MCF2L2: variants seen among roughly 807,000 people sequenced by gnomAD.
MCF2L2 encodes the protein MCF.2 cell line derived transforming sequence-like 2.
In MCF2L2, 102 loss-of-function variants were observed where a neutral mutation model predicts 150.2. The ratio of observed to expected loss-of-function variants is 0.68; its 90% CI spans 0.58 to 0.80. The LOEUF (loss-of-function observed/expected upper bound fraction) is 0.80, where lower values mean the gene tolerates loss of function less well. Among genes scored for constraint, MCF2L2 ranks in the 30% least tolerant of loss-of-function variants. MCF2L2 has a pLI of 0.00. For missense variants in MCF2L2, 1,256 were observed against 1,372.8 expected (o/e 0.91, Z 1.34); for synonymous variants, 465 against 491.3 (o/e 0.95, Z 0.71).
At chr3:183,209,633 C>T (rs978366636) in intron 22 of MCF2L2, among the ~76,000 whole-genome samples, 5 of 151,990 alleles carry the variant, frequency 3.3e-5, no homozygotes, top group African/African-American at 4.8e-5. Context: ...GGATTACAGG[C>T]GTGCATTACC....
At chr3:183,206,973 GGGA>G in intron 23 of MCF2L2, among the ~76,000 whole-genome samples, 1 of 11,982 alleles carries the variant, frequency 8.3e-5, no homozygotes, top group African/African-American at 2.3e-4. Context: ...AAGGAAGGAA[GGGA>G]GGGAGGGAGG....
intron 13 of MCF2L2, among the ~76,000 whole-genome samples, chr3:183,289,845 G>C (rs1728022126): frequency 6.6e-6 from 1 of 152,300 alleles, no homozygotes; most frequent in East Asian, 1.9e-4. Flanking sequence ...AACAGAGCTA[G>C]ACTCCATCTC....
chr3:183,330,116 G>A (rs57328107), intron 5 of MCF2L2, among the ~76,000 whole-genome samples: 4,597 of 151,096 alleles, frequency 0.03, 251 homozygotes, highest in African/African-American at 0.11. Flanking sequence ...ATGGTGGTGC[G>A]CACCTGTAGT....
chr3:183,309,964 T>TA (rs1359460469), intron 9 of MCF2L2, 129 bp from the exon 10 acceptor site: 37 of 1,079,502 alleles, frequency 3.4e-5, no homozygotes, highest in East Asian at 3.2e-4. Flanking sequence ...CTATATATGT[T>TA]AAAAATTTTT....
intron 10 of MCF2L2, among the ~76,000 whole-genome samples, chr3:183,306,593 C>CCCACAGAGGAT (rs1429289765): frequency 1.3e-5 from 2 of 152,182 alleles, no homozygotes; most frequent in African/African-American, 4.8e-5. Context: ...CTAGAACAAA[C>CCCACAGAGGAT]CCACAGAGGA....
At position 183,215,957 on chromosome 3, in the gene MCF2L2, T is replaced by C. The variant is rs1722895069; in HGVS notation, c.2496+12A>G. The C allele has an allele frequency of 1.2e-6, 2 of 1,612,562 alleles. No individual in the cohort carries two copies. The highest frequency in any genetic ancestry group is 8.5e-7 in the Non-Finnish European group (1 of 1,179,172). On this transcript the variant is annotated intron_variant, in intron 22 of 29. Transcript: ENST00000328913. ...TTTGTGTGAGATGCTCTAACACTAC[T>C]ATGGAACATACCGGACATTCAGTCA...
intron 27 of MCF2L2, among the ~76,000 whole-genome samples, chr3:183,189,102 G>C (rs1360650391): frequency 6.6e-6 from 1 of 152,124 alleles, no homozygotes; most frequent in Non-Finnish European, 1.5e-5. Context: ...CTGGCATGTC[G>C]GACATTTAAA....
At chr3:183,361,207 TA>T (rs1712181935) in intron 3 of MCF2L2, among the ~76,000 whole-genome samples, 1 of 151,208 alleles carries the variant, frequency 6.6e-6, no homozygotes, top group South Asian at 2.1e-4. Context: ...TAATGTACAA[TA>T]ACCTTTTAAT....
intron 22 of MCF2L2, among the ~76,000 whole-genome samples, chr3:183,214,232 C>T (rs1393641044): frequency 1.3e-5 from 2 of 152,112 alleles, no homozygotes; most frequent in Middle Eastern, 3.2e-3. Context: ...CAGAAAGATG[C>T]CCTGGATTGA....
chr3:183,362,432 A>C (rs116402053), intron 3 of MCF2L2, among the ~76,000 whole-genome samples: 2 of 152,250 alleles, frequency 1.3e-5, no homozygotes, highest in Non-Finnish European at 2.9e-5. Flanking sequence ...GAGAAGAGAT[A>C]ATCTGTACTG....
chr3:183,209,456 A>T (rs1466705960), intron 22 of MCF2L2, among the ~76,000 whole-genome samples: 2 of 152,098 alleles, frequency 1.3e-5, no homozygotes, highest in Non-Finnish European at 1.5e-5. Flanking sequence ...GTCAAAACAC[A>T]GTCAAAATTT....
chr3:183,193,340 T>G (rs574979673), intron 26 of MCF2L2, among the ~76,000 whole-genome samples: 1 of 139,022 alleles, frequency 7.2e-6, no homozygotes, highest in African/African-American at 3.0e-5. Flanking sequence ...GCTGCAAATC[T>G]TTTTTTCTTT....
chr3:183,225,528 A>G (rs1723312136), intron 18 of MCF2L2: 1 of 152,272 alleles, frequency 6.6e-6, no homozygotes, highest in Admixed American at 6.5e-5. Context: ...AGAAACTCAT[A>G]TTCACACAAG....
intron 15 of MCF2L2, among the ~76,000 whole-genome samples, chr3:183,244,805 G>T (rs1005771658): frequency 2.6e-5 from 4 of 151,890 alleles, no homozygotes; most frequent in Non-Finnish European, 5.9e-5. Context: ...ATTGCCCAAG[G>T]TCTATGGCTT....
At chr3:183,408,439 T>C (rs912742860) in intron 1 of MCF2L2, among the ~76,000 whole-genome samples, 5 of 152,250 alleles carry the variant, frequency 3.3e-5, no homozygotes, top group African/African-American at 1.2e-4. Flanking sequence ...CTGCGCAGGA[T>C]GCTGCGGCTG....
chr3:183,339,546 G>A (rs932176242), intron 4 of MCF2L2, among the ~76,000 whole-genome samples: 6 of 152,112 alleles, frequency 3.9e-5, no homozygotes, highest in African/African-American at 1.4e-4. Context: ...GGCTAGAGTC[G>A]TAAAATAATT....
intron 1 of MCF2L2, among the ~76,000 whole-genome samples, chr3:183,401,276 T>C (rs907113588): frequency 6.6e-6 from 1 of 152,184 alleles, no homozygotes; most frequent in African/African-American, 2.4e-5. Flanking sequence ...TGTGTTTCCA[T>C]AGTTAAAGAA....
At chr3:183,215,822 G>T in intron 22 of MCF2L2, 147 bp downstream of exon 22, 1 of 884,312 alleles carries the variant, frequency 1.1e-6, no homozygotes, top group Non-Finnish European at 1.7e-6. Flanking sequence ...TTGTAGTGCG[G>T]GTTTACTGAG....
At chr3:183,246,330 A>G (rs964619816) in intron 15 of MCF2L2, among the ~76,000 whole-genome samples, 10 of 152,150 alleles carry the variant, frequency 6.6e-5, no homozygotes, top group Non-Finnish European at 1.5e-4. Flanking sequence ...CTCTGTACCT[A>G]TTAAACATGA....
Sources: gnomAD v4.1 joint callset for allele counts (sites outside exome capture counted in the v4.1 genomes callset) on GRCh38, gnomAD v4.1.1 for gene constraint, MANE v1.5 for transcripts, NCBI Gene and HGNC (gene_info 2026-07-23, HGNC 2026-07-21) for gene names.